Variants in SFMBT2 observed in about 807,000 individuals in gnomAD.
SFMBT2 encodes Scm like with four mbt domains 2.
SFMBT2 carries 38 observed loss-of-function variants against 110.1 expected under a neutral mutation model. The ratio of observed to expected loss-of-function variants is 0.35; its 90% CI spans 0.27 to 0.45. The LOEUF (loss-of-function observed/expected upper bound fraction) is 0.45, where lower values mean the gene tolerates loss of function less well. Ranked by LOEUF, SFMBT2 falls within the 20% of genes least tolerant of loss-of-function variation. SFMBT2 has a pLI of 1.00. For missense variants in SFMBT2, 1,011 were observed against 1,094.9 expected, an observed-to-expected ratio of 0.92 and a Z score of 1.08; for synonymous variants, 425 against 425.4, an observed-to-expected ratio of 1.00 and a Z score of 0.01.
chr10:7,203,063 T>C, intron 12 of SFMBT2: 1 of 985,456 alleles, frequency 1.0e-6, no homozygotes, highest in Non-Finnish European at 1.2e-6. Flanking sequence ...ACATTTCCAG[T>C]TTATATTTGT....
At chr10:7,348,269 G>C (rs1844181520) in intron 4 of SFMBT2, 13 of 1,512,686 alleles carry the variant, frequency 8.6e-6, no homozygotes, top group African/African-American at 1.4e-5. Context: ...TCTCGAAGAA[G>C]TTTTGAGACA....
intron 4 of SFMBT2, among the ~76,000 whole-genome samples, chr10:7,314,659 G>C (rs1368565498): frequency 6.6e-6 from 1 of 152,170 alleles, no homozygotes; most frequent in Admixed American, 6.5e-5. Flanking sequence ...TATAATCCCA[G>C]CACTTTGGGA....
intron 1 of SFMBT2, among the ~76,000 whole-genome samples, chr10:7,394,031 C>A (rs1845852867): frequency 6.6e-6 from 1 of 151,998 alleles, no homozygotes; most frequent in South Asian, 2.1e-4. Flanking sequence ...GAGAAAGGGT[C>A]TCACTCTGTC....
At chr10:7,183,310 G>C (rs1838297088) in intron 16 of SFMBT2, among the ~76,000 whole-genome samples, 1 of 152,204 alleles carries the variant, frequency 6.6e-6, no homozygotes, top group South Asian at 2.1e-4. Context: ...CTGGAGGGAA[G>C]AACGCAATCT....
chr10:7,269,844 T>C (rs1345124445), intron 7 of SFMBT2, among the ~76,000 whole-genome samples: 1 of 147,322 alleles, frequency 6.8e-6, no homozygotes, highest in Non-Finnish European at 1.5e-5. Context: ...TTTTTTTAAA[T>C]AAATGAAGCA....
intron 1 of SFMBT2, among the ~76,000 whole-genome samples, chr10:7,390,685 T>C (rs1397752529): frequency 3.9e-5 from 6 of 152,248 alleles, no homozygotes; most frequent in Admixed American, 2.0e-4. Context: ...TAGACACTTA[T>C]TAAAAGGGGA....
chr10:7,198,308 T>C (rs932942014), intron 14 of SFMBT2: 1 of 214,532 alleles, frequency 4.7e-6, no homozygotes, highest in Non-Finnish European at 8.0e-6. Flanking sequence ...AGTCTCTTAC[T>C]GCTGGATATT....
chr10:7,348,187 T>TG, intron 4 of SFMBT2: 1 of 858,570 alleles, frequency 1.2e-6, no homozygotes, highest in East Asian at 3.0e-5. Flanking sequence ...TCAAAGGGTT[T>TG]GGGTTGGTTT....
At chr10:7,208,612 G>T (rs1768857842) in intron 11 of SFMBT2, among the ~76,000 whole-genome samples, 1 of 151,714 alleles carries the variant, frequency 6.6e-6, no homozygotes, top group African/African-American at 2.4e-5. Context: ...CTTGAACTTG[G>T]GAGGTGGAGG....
At position 7,171,085 on chromosome 10, in the gene SFMBT2, C is replaced by A; in HGVS notation, c.2416-29G>T. The A allele has an allele frequency of 6.2e-7, 1 of 1,613,606 alleles. No homozygotes were observed. The highest frequency in any genetic ancestry group is 8.5e-7 in the Non-Finnish European group (1 of 1,179,814). On this transcript the variant is annotated intron_variant, in intron 19 of 20. Transcript: ENST00000397167. The surrounding 1 kb of genome is among the most constrained non-coding windows in gnomAD (Gnocchi z 4.9). ...CAGAGAAAGGGCAGGAGGAGCTCAG[C>A]TGCGGCACAGTCAGCTGGCTGGGTC...
At chr10:7,349,976 A>G (rs1588470646) in intron 4 of SFMBT2, among the ~76,000 whole-genome samples, 1 of 152,282 alleles carries the variant, frequency 6.6e-6, no homozygotes. Context: ...TCAGCACCTC[A>G]TAGGCGCATG....
At chr10:7,286,066 G>C in intron 4 of SFMBT2, 112 bp from the exon 5 acceptor site, 1 of 662,632 alleles carries the variant, frequency 1.5e-6, no homozygotes, top group Non-Finnish European at 2.7e-6. Flanking sequence ...ATGTAGGTTT[G>C]ATTTCAATGT....
chr10:7,403,698 T>TA (rs1360697033), intron 1 of SFMBT2, among the ~76,000 whole-genome samples: 1 of 152,112 alleles, frequency 6.6e-6, no homozygotes, highest in African/African-American at 2.4e-5. Flanking sequence ...TCACATACAG[T>TA]AGTAAGCAAT....
intron 11 of SFMBT2, among the ~76,000 whole-genome samples, chr10:7,212,718 A>G (rs1258574649): frequency 1.3e-5 from 2 of 152,198 alleles, no homozygotes; most frequent in Non-Finnish European, 2.9e-5. Flanking sequence ...TTACACTCAG[A>G]AAGTGCCAAG....
At chr10:7,335,337 T>C (rs948707384) in intron 4 of SFMBT2, among the ~76,000 whole-genome samples, 3 of 152,184 alleles carry the variant, frequency 2.0e-5, no homozygotes, top group African/African-American at 7.2e-5. Flanking sequence ...ACAAAAACCA[T>C]GACCCAACTT....
In SFMBT2 at chr10:7,293,325, C is replaced by T. The variant is rs769791818; in HGVS notation, c.437-7371G>A. ...TGTTGGCCAGGCTGGTCTTGAACTC[C>T]TGACTTCAGGTGATCTGCCTGCCTC... On this transcript the variant is annotated intron_variant, in intron 4 of 20. Transcript: ENST00000397167. The surrounding 1 kb of genome is among the most constrained non-coding windows in gnomAD (Gnocchi z 4.6). Among the ~76,000 whole-genome samples, 1 of 152,138 alleles carries T rather than the reference C, an allele frequency of 6.6e-6. No individual in the cohort carries two copies. The highest frequency in any genetic ancestry group is 1.5e-5 in the Non-Finnish European group (1 of 68,030).
At chr10:7,364,047 TC>T (rs1844812898) in intron 4 of SFMBT2, among the ~76,000 whole-genome samples, 1 of 152,046 alleles carries the variant, frequency 6.6e-6, no homozygotes, top group African/African-American at 2.4e-5. Flanking sequence ...CAAATAAGAA[TC>T]CTTGTTTAAA....
intron 1 of SFMBT2, among the ~76,000 whole-genome samples, chr10:7,382,830 G>A (rs549912032): frequency 2.0e-5 from 3 of 152,168 alleles, no homozygotes; most frequent in Admixed American, 6.5e-5. Flanking sequence ...GCTATTCCCC[G>A]CTTGTCTTCT....
chr10:7,222,023 T>C (rs1839757273), intron 10 of SFMBT2, among the ~76,000 whole-genome samples: 1 of 152,248 alleles, frequency 6.6e-6, no homozygotes, highest in Admixed American at 6.5e-5. Context: ...ATGAGAAAAT[T>C]TTCCTGTATA....
Sources: allele counts gnomAD v4.1 joint callset (sites outside exome capture counted in the v4.1 genomes callset), GRCh38; gene constraint gnomAD v4.1.1; non-coding constraint Gnocchi (gnomAD v3.1); transcripts MANE v1.5; gene names NCBI Gene and HGNC (gene_info 2026-07-23, HGNC 2026-07-21).